The following ALOX5AP variants were observed in gnomAD, a reference collection of about 807,000 sequenced individuals.
ALOX5AP encodes arachidonate 5-lipoxygenase activating protein, also known as arachidonate 5-lipoxygenase-activating protein.
In ALOX5AP, 9 loss-of-function variants were observed where a neutral mutation model predicts 18.5. The ratio of observed to expected loss-of-function variants is 0.49; its 90% CI spans 0.29 to 0.85. The LOEUF is 0.85. Ranked by LOEUF, ALOX5AP falls within the 40% of genes least tolerant of loss-of-function variation. The pLI is 0.08. For synonymous variants in ALOX5AP, 81 were observed against 78.6 expected (o/e 1.03, Z -0.16); for missense variants, 172 against 202.5 (o/e 0.85, Z 0.91).
At chr13:30,726,262 TAATTACCA>T (rs1489200885) in intron 1 of ALOX5AP, among the ~76,000 whole-genome samples, 6 of 152,218 alleles carry the variant, frequency 3.9e-5, no homozygotes. Flanking sequence ...TGACTGATCC[TAATTACCA>T]AGGAGAAATT....
chr13:30,722,742 A>G lies in ALOX5AP; in HGVS notation c.116+8901A>G, dbSNP rs141476212. 5.2e-3 allele frequency among the ~76,000 whole-genome samples: 790 copies of G among 152,328 alleles called. 5 individuals carry two copies. Among genetic ancestry groups the G allele is most frequent in the African/African-American group, 0.018 (764 of 41,568 alleles). On this transcript the variant is annotated intron_variant, in intron 1 of 5. Coordinates refer to the ALOX5AP transcript ENST00000617770. ...AGGAGGTGTTTTGGTCATAGTGATA[A>G]ATGGCTTGGTGCCGTTCTCACAGTA...
intron 1 of ALOX5AP, among the ~76,000 whole-genome samples, chr13:30,728,161 A>G (rs1279958713): frequency 6.6e-6 from 1 of 152,188 alleles, no homozygotes; most frequent in Non-Finnish European, 1.5e-5. Context: ...GGAGAACACC[A>G]TATGCTGATG....
rs200726691 is a variant in ALOX5AP at position 30,764,037 on chromosome 13, C to T, written c.417C>T (p.Phe139=). The change falls in exon 5 of 5, where the codon TTC becomes TTT. Residue 139 remains phenylalanine, a synonymous_variant. Coordinates refer to ENST00000380490, the MANE Select transcript of ALOX5AP (RefSeq NM_001629.4). ...TCAACTATTACCTCATCTTCTTTTT[C>T]GGAAGTGACTTTGAAAACTACATAA... The part of the protein sequence containing the change: ...GIFNYYLIFF[F]GSDFENYIKT... The T allele has an allele frequency of 2.4e-4, 393 of 1,614,114 alleles. 2 individuals are homozygous for T. The East Asian group carries it at 4.5e-3, about 19-fold the overall frequency.
At chr13:30,717,376 C>T (rs973648026) in intron 1 of ALOX5AP, among the ~76,000 whole-genome samples, 1 of 152,234 alleles carries the variant, frequency 6.6e-6, no homozygotes, top group Non-Finnish European at 1.5e-5. Context: ...GCAGTGGACA[C>T]TAGCTGGTGT....
At chr13:30,744,903 G>C (rs951393761) in intron 2 of ALOX5AP, among the ~76,000 whole-genome samples, 3 of 152,220 alleles carry the variant, frequency 2.0e-5, no homozygotes, top group African/African-American at 7.2e-5. Context: ...AAGGCCTCAT[G>C]CTAGAGAGCT....
chr13:30,736,274 A>G (rs369974803), intron 1 of ALOX5AP, among the ~76,000 whole-genome samples: 44 of 151,720 alleles, frequency 2.9e-4, no homozygotes, highest in African/African-American at 1.0e-3. Flanking sequence ...TGCAGTGTAT[A>G]CTTCAGAAAG....
At chr13:30,713,671 C>G in exon 1 of ALOX5AP, 3 of 1,252,796 alleles carry the variant, frequency 2.4e-6, no homozygotes, top group Non-Finnish European at 3.4e-6. Flanking sequence ...TCTGCAAGAA[C>G]TCTGTAGAAC....
At chr13:30,739,894 C>T (rs1171980809) in intron 1 of ALOX5AP, among the ~76,000 whole-genome samples, 4 of 152,206 alleles carry the variant, frequency 2.6e-5, no homozygotes, top group Non-Finnish European at 5.9e-5. Context: ...CCAATTCATT[C>T]ATTCAAGCAC....
At chr13:30,735,954 A>C (rs777324555) in intron 1 of ALOX5AP, among the ~76,000 whole-genome samples, 18 of 152,178 alleles carry the variant, frequency 1.2e-4, no homozygotes, top group Non-Finnish European at 1.8e-4. Flanking sequence ...CCCTCACCGA[A>C]GTGTCTATGA....
At chr13:30,763,843 TA>T in intron 4 of ALOX5AP, 100 bp from the exon 5 acceptor site, 1 of 1,115,608 alleles carries the variant, frequency 9.0e-7, no homozygotes, top group Admixed American at 2.2e-5. Flanking sequence ...CAGGGAGCTA[TA>T]ATTTAAACCC....
chr13:30,744,263 G>T, intron 2 of ALOX5AP, 104 bp downstream of exon 2: 1 of 1,033,422 alleles, frequency 9.7e-7, no homozygotes, highest in South Asian at 1.4e-5. Flanking sequence ...TCTGAGCCAA[G>T]TTTCTGAGCG....
chr13:30,716,634 A>C (rs1951552719), intron 1 of ALOX5AP, among the ~76,000 whole-genome samples: 1 of 152,174 alleles, frequency 6.6e-6, no homozygotes, highest in Admixed American at 6.5e-5. Flanking sequence ...CCTCCCTTGT[A>C]TAGTCAGTGA....
chr13:30,718,424 C>G (rs1337942588), intron 1 of ALOX5AP, among the ~76,000 whole-genome samples: 1 of 144,720 alleles, frequency 6.9e-6, no homozygotes, highest in Admixed American at 7.0e-5. Flanking sequence ...TATAATAACT[C>G]CACAACTACA....
chr13:30,750,104 G>A (rs1297917491), intron 2 of ALOX5AP, among the ~76,000 whole-genome samples: 1 of 152,176 alleles, frequency 6.6e-6, no homozygotes, highest in Non-Finnish European at 1.5e-5. Context: ...AATTCTGAAG[G>A]CCTGAGGTGG....
chr13:30,723,565 A>G (rs942424681), intron 1 of ALOX5AP, among the ~76,000 whole-genome samples: 1 of 152,236 alleles, frequency 6.6e-6, no homozygotes, highest in African/African-American at 2.4e-5. Context: ...AGAATGGGTG[A>G]GAGTTTTCCA....
chr13:30,721,366 T>G (rs1375807315), intron 1 of ALOX5AP, among the ~76,000 whole-genome samples: 1 of 152,180 alleles, frequency 6.6e-6, no homozygotes, highest in Admixed American at 6.5e-5. Context: ...ACTGTAAGAC[T>G]GAGGATAGCT....
chr13:30,755,716 C>T (rs756741705), intron 3 of ALOX5AP, among the ~76,000 whole-genome samples: 6 of 152,180 alleles, frequency 3.9e-5, no homozygotes, highest in Admixed American at 2.0e-4. Context: ...ACGTGCGACC[C>T]GCAGGCTCCG....
intron 1 of ALOX5AP, among the ~76,000 whole-genome samples, chr13:30,717,450 C>A (rs950726503): frequency 6.6e-6 from 1 of 152,210 alleles, no homozygotes; most frequent in Non-Finnish European, 1.5e-5. Flanking sequence ...CCTAAACCCT[C>A]CTTCTCCCAG....
chr13:30,757,772 T>G lies in ALOX5AP; in HGVS notation c.323+1747T>G, dbSNP rs1412115514. The stretch of plus-strand genomic sequence containing the variant: ...CACCTACCCACATGTCCTTTTAACT[T>G]TAAAGGCTTTACTAACTGATTCCTA... On this transcript the variant is annotated intron_variant, in intron 4 of 4. Coordinates refer to ENST00000380490, the MANE Select transcript of ALOX5AP (RefSeq NM_001629.4). 3.3e-5 allele frequency among the ~76,000 whole-genome samples: 5 copies of G among 152,150 alleles called. No individual in the cohort carries two copies. In the East Asian group the frequency reaches 9.6e-4, roughly 29 times the overall value.
Sources: allele counts gnomAD v4.1 joint callset (sites outside exome capture counted in the v4.1 genomes callset), GRCh38; gene constraint gnomAD v4.1.1; transcripts MANE v1.5; gene names NCBI Gene and HGNC (gene_info 2026-07-23, HGNC 2026-07-21).